Variants in MYO18B observed in about 807,000 individuals in gnomAD.
MYO18B encodes the protein unconventional myosin-XVIIIb.
In MYO18B, 204 loss-of-function variants were observed where a neutral mutation model predicts 273.0. The observed-to-expected ratio is 0.75, with a 90% CI of 0.67 to 0.84. MYO18B has a LOEUF of 0.84. Among genes scored for constraint, MYO18B ranks in the 40% least tolerant of loss-of-function variants. The pLI, the probability that MYO18B is intolerant of heterozygous loss-of-function variation, is 0.00. For synonymous variants in MYO18B, 1,330 were observed against 1,305.7 expected, an observed-to-expected ratio of 1.02 and a Z score of -0.40; for missense variants, 3,212 against 3,287.6, an observed-to-expected ratio of 0.98 and a Z score of 0.56.
At chr22:25,785,587 T>C in intron 11 of MYO18B, 96 bp downstream of exon 11, 2 of 1,323,734 alleles carry the variant, frequency 1.5e-6, no homozygotes, top group Non-Finnish European at 2.1e-6. Flanking sequence ...CTTTTGGTAC[T>C]GGGGTTCATA....
rs769267126 is a variant in MYO18B at position 26,026,862 on chromosome 22, T to G, written c.6888T>G (p.Ser2296Arg). Residue 2296 changes from serine (S) to arginine (R), a missense_variant, in exon 43 of 44, where the codon AGT becomes AGG. Ser to Arg is a moderately radical substitution (Grantham distance 110). Coordinates refer to ENST00000335473, the MANE Select transcript of MYO18B (RefSeq NM_032608.7). Reference protein sequence around the residue: ...ASTLRRGRAGSDEGNLSLRVG... With the variant: ...ASTLRRGRAGRDEGNLSLRVG... ...CACTAAGGAGGGGCAGGGCTGGCAG[T>G]GACGAGGGAAACCTCTCGCTGAGGG... 2.8e-5 allele frequency: 44 copies of G among 1,594,776 alleles called. No individual in the cohort carries two copies. The highest frequency in any genetic ancestry group is 3.2e-5 in the Non-Finnish European group (37 of 1,170,378).
Position 25,768,454 on chromosome 22 carries a change from A to T in MYO18B, c.538A>T (p.Thr180Ser). The T allele has an allele frequency of 1.2e-6, 1 of 862,084 alleles. No homozygotes were observed. Among genetic ancestry groups the T allele is most frequent in the South Asian group, 1.3e-5 (1 of 78,160 alleles). 53.4% of individuals were successfully genotyped at this position (862,084 alleles called of 1,614,324 possible). A position where few individuals can be genotyped will look rare whatever the true frequency, so the allele number is the denominator to read the frequency against. ...THPHDAPPCKTSPPATDTGKE... is the reference protein window; with the variant it reads ...THPHDAPPCKSSPPATDTGKE... ...TCCCCATGACGCCCCCCCTTGCAAGACCTCTCCCCCCGCCACAGATACTGG... is the reference window on the plus strand; with the variant it reads ...TCCCCATGACGCCCCCCCTTGCAAGTCCTCTCCCCCCGCCACAGATACTGG... The change falls in exon 4 of 44, where the codon ACC (threonine) becomes TCC (serine). Residue 180 changes from threonine (T) to serine (S), a missense_variant. Coordinates refer to ENST00000335473, the MANE Select transcript of MYO18B (RefSeq NM_032608.7).
Position 26,030,870 on chromosome 22 carries a change from A to T in MYO18B, c.*440A>T. 1 of 398,558 alleles carries T rather than the reference A, an allele frequency of 2.5e-6. No homozygotes were observed. Among genetic ancestry groups the T allele is most frequent in the South Asian group, 1.3e-4 (1 of 7,852 alleles). 24.7% of individuals were successfully genotyped at this position (398,558 alleles called of 1,614,324 possible). A position where few individuals can be genotyped will look rare whatever the true frequency, so the allele number is the denominator to read the frequency against. On this transcript the variant is annotated 3_prime_UTR_variant, in exon 44 of 44. Coordinates refer to ENST00000335473, the MANE Select transcript of MYO18B (RefSeq NM_032608.7). Reference sequence around the variant, plus strand: ...AAGTCTTTCCTGATATATCAAACTGAAACAAATGCTCCTCCTCCATGCTCC... The same window carrying T: ...AAGTCTTTCCTGATATATCAAACTGTAACAAATGCTCCTCCTCCATGCTCC...
chr22:26,062,903 A>G, the MYO18B span, among the ~76,000 whole-genome samples: 1 of 152,212 alleles, frequency 6.6e-6, no homozygotes, highest in East Asian at 1.9e-4. Flanking sequence ...GGAGCAGGAC[A>G]GGAACACAGG....
In MYO18B at chr22:25,763,031, T is replaced by C. The variant is rs767048002; in HGVS notation, c.40-200T>C. 6.1e-5 allele frequency: 46 copies of C among 752,290 alleles called. No homozygotes were observed. In the East Asian group the frequency reaches 1.2e-3, roughly 19 times the overall value. The allele number at this position is 752,290 out of a possible 1,614,324, so 46.6% of individuals were successfully genotyped here. ...CCCGCATAATTCCTGGCTGCCCCTG[T>C]GTTCCATTTTCATGCGCTGTCTCAG... On this transcript the variant is annotated intron_variant, in intron 2 of 43. Coordinates refer to ENST00000335473, the MANE Select transcript of MYO18B (RefSeq NM_032608.7).
chr22:25,923,269 C>T (rs1338316431), intron 34 of MYO18B, among the ~76,000 whole-genome samples: 1 of 152,226 alleles, frequency 6.6e-6, no homozygotes, highest in Non-Finnish European at 1.5e-5. Context: ...AAATCATTCT[C>T]TTCTAGGGTG....
intron 25 of MYO18B, among the ~76,000 whole-genome samples, chr22:25,880,878 G>T (rs1420625507): frequency 1.3e-5 from 2 of 152,252 alleles, no homozygotes; most frequent in Non-Finnish European, 2.9e-5. Context: ...TGAATGATTT[G>T]CTGTAATCTA....
intron 8 of MYO18B, among the ~76,000 whole-genome samples, chr22:25,778,763 A>G (rs1349258964): frequency 1.3e-5 from 2 of 150,234 alleles, no homozygotes; most frequent in Non-Finnish European, 3.0e-5. Context: ...AAGTGCTGGG[A>G]TTATAGGTGT....
chr22:25,772,391 G>A lies in MYO18B; in HGVS notation c.1750G>A (p.Glu584Lys), dbSNP rs2086753998. Residue 584 changes from glutamate (E) to lysine (K), a missense_variant, in exon 7 of 44, where the codon GAA (glutamate) becomes AAA (lysine). Physicochemically the swap from Glu to Lys is moderately conservative, Grantham distance 56. Coordinates refer to ENST00000335473, the MANE Select transcript of MYO18B (RefSeq NM_032608.7). ...EDLASLISVN[E>K]SSVLNTLLQR... is the part of the protein sequence containing the mutation. ...CCTGGCCTCTCTCATCAGTGTCAAC[G>A]AATCCAGTGTCCTGAACACGCTTCT... The A allele has an allele frequency of 1.1e-5, 18 of 1,613,872 alleles. No individual in the cohort carries two copies. Among genetic ancestry groups the A allele is most frequent in the South Asian group, 9.9e-5 (9 of 91,078 alleles).
chr22:25,818,420 G>A (rs540344046), intron 12 of MYO18B, among the ~76,000 whole-genome samples: 1 of 152,150 alleles, frequency 6.6e-6, no homozygotes, highest in Non-Finnish European at 1.5e-5. Flanking sequence ...ATCACATCTT[G>A]TACCTCTTTG....
intron 39 of MYO18B, among the ~76,000 whole-genome samples, chr22:25,960,445 C>A (rs1049793964): frequency 6.6e-6 from 1 of 152,106 alleles, no homozygotes; most frequent in Non-Finnish European, 1.5e-5. Flanking sequence ...AGAGGCTGCA[C>A]CTGTTGGGTT....
chr22:26,056,551 T>C, the MYO18B span, among the ~76,000 whole-genome samples: 28 of 152,246 alleles, frequency 1.8e-4, no homozygotes, highest in Non-Finnish European at 3.1e-4. Context: ...TCCCATCAAT[T>C]TGAGCCACAA....
intron 12 of MYO18B, among the ~76,000 whole-genome samples, chr22:25,812,331 C>T (rs2088800927): frequency 6.6e-6 from 1 of 152,210 alleles, no homozygotes; most frequent in African/African-American, 2.4e-5. Flanking sequence ...CTTGGCTCTC[C>T]TCCAATTCTG....
intron 39 of MYO18B, among the ~76,000 whole-genome samples, chr22:25,972,224 A>G (rs183621650): frequency 2.1e-4 from 32 of 152,148 alleles, no homozygotes; most frequent in Admixed American, 2.1e-3. Flanking sequence ...GCATATATAT[A>G]TACATAGGAA....
intron 39 of MYO18B, among the ~76,000 whole-genome samples, chr22:25,979,369 G>T (rs928899313): frequency 6.6e-6 from 1 of 152,166 alleles, no homozygotes; most frequent in Non-Finnish European, 1.5e-5. Context: ...TTATTCCCCT[G>T]TCAGGAAAAT....
chr22:25,876,599 A>G (rs1462029442), intron 24 of MYO18B, among the ~76,000 whole-genome samples: 1 of 152,038 alleles, frequency 6.6e-6, no homozygotes, highest in African/African-American at 2.4e-5. Context: ...TACTTAACCC[A>G]GAGAAGCTCA....
intron 39 of MYO18B, among the ~76,000 whole-genome samples, chr22:25,956,703 C>A (rs2092856762): frequency 6.6e-6 from 1 of 152,130 alleles, no homozygotes; most frequent in Admixed American, 6.5e-5. Context: ...GTGTATCTGG[C>A]ACCCCTATCG....
At chr22:25,956,530 A>T (rs1327493592) in intron 39 of MYO18B, among the ~76,000 whole-genome samples, 1 of 152,138 alleles carries the variant, frequency 6.6e-6, no homozygotes, top group Non-Finnish European at 1.5e-5. Context: ...GGAACATTTT[A>T]AAATTTGTTT....
chr22:25,960,217 A>G (rs1170104853), intron 39 of MYO18B, among the ~76,000 whole-genome samples: 2 of 152,192 alleles, frequency 1.3e-5, no homozygotes, highest in Non-Finnish European at 2.9e-5. Flanking sequence ...TTATGGAGAA[A>G]ATAATATTCT....
Sources: allele counts gnomAD v4.1 joint callset (sites outside exome capture counted in the v4.1 genomes callset), GRCh38; gene constraint gnomAD v4.1.1; transcripts MANE v1.5; gene names NCBI Gene and HGNC (gene_info 2026-07-23, HGNC 2026-07-21).